ZFP28: variants seen among roughly 807,000 people sequenced by gnomAD.
ZFP28 encodes the protein ZFP28 zinc finger protein.
In ZFP28, 31 loss-of-function variants were observed where a neutral mutation model predicts 39.5. That is an observed-to-expected ratio of 0.79 (90% CI 0.59 to 1.06). The LOEUF (loss-of-function observed/expected upper bound fraction) is 1.06, where lower values mean the gene tolerates loss of function less well. Ranked by LOEUF, ZFP28 falls within the 50% of genes least tolerant of loss-of-function variation. ZFP28 has a pLI of 0.00. For synonymous variants in ZFP28, 400 were observed against 378.6 expected (o/e 1.06, Z -0.66); for missense variants, 925 against 1,048.4 (o/e 0.88, Z 1.63).
chr19:56,537,295 C>T (rs1234662745), upstream of ZFP28, among the ~76,000 whole-genome samples: 1 of 152,186 alleles, frequency 6.6e-6, no homozygotes, highest in East Asian at 1.9e-4. Flanking sequence ...GCTGTTCTAC[C>T]TGTTGACATC....
chr19:56,551,807 C>T (rs1363099453), intron 7 of ZFP28: 1 of 983,908 alleles, frequency 1.0e-6, no homozygotes, highest in Admixed American at 6.2e-5. Context: ...AAATGTCTGT[C>T]ATTTGTACCC....
At position 56,553,777 on chromosome 19, in the gene ZFP28, A is replaced by T. The variant is rs1203632475; in HGVS notation, c.992A>T (p.Asp331Val). 6.2e-7 allele frequency: 1 copy of T among 1,614,036 alleles called. No individual in the cohort carries two copies. Among genetic ancestry groups the T allele is most frequent in the Non-Finnish European group, 8.5e-7 (1 of 1,180,032 alleles). The part of the protein sequence containing the change: ...VTDRTSNTKL[D>V]CSSFRENWDS... ...GACAGAACCTCAAACACTAAACTTG[A>T]TTGTTCCAGTTTCAGAGAAAATTGG... Residue 331 changes from aspartate to valine, a missense_variant, in exon 8 of 8, where the codon GAT (aspartate) becomes GTT (valine). Asp to Val is a radical substitution (Grantham distance 152). Around this residue, in one of 2 missense-constraint regions of ZFP28, gnomAD observed 556 missense variants for 542.9 expected, o/e 1.02. Transcript: ENST00000301318.
chr19:56,547,701 G>A lies in ZFP28; in HGVS notation c.427+67G>A. The stretch of plus-strand genomic sequence containing the variant: ...CGTCCTGGACTAAGAAGCCTTTCAT[G>A]CCTTTATCACCCAGACCTGCACTGC... On this transcript the variant is annotated intron_variant, in intron 3 of 7. Transcript: ENST00000301318. The surrounding 1 kb of genome is among the most constrained non-coding windows in gnomAD (Gnocchi z 4.6). The A allele has an allele frequency of 6.4e-7, 1 of 1,569,830 alleles. No homozygotes were observed. The highest frequency in any genetic ancestry group is 2.3e-5 in the East Asian group (1 of 44,008).
intron 7 of ZFP28, chr19:56,551,324 A>C: frequency 1.0e-6 from 1 of 987,050 alleles, no homozygotes; most frequent in Non-Finnish European, 1.2e-6. Context: ...ACTGTTTGGC[A>C]AAAGAATATA....
intron 7 of ZFP28, chr19:56,551,063 A>T (rs1371760874): frequency 8.8e-7 from 1 of 1,141,652 alleles, no homozygotes; most frequent in East Asian, 5.9e-5. Flanking sequence ...GCCATCAGTG[A>T]ATTACTCTAA....
Position 56,555,503 on chromosome 19 carries a change from G to C in ZFP28, c.*111G>C. On this transcript the variant is annotated 3_prime_UTR_variant, in exon 8 of 8. Coordinates refer to ENST00000301318, the MANE Select transcript of ZFP28 (RefSeq NM_020828.2). ...GTTAGTTCTTCACATAAGTGTAAAT[G>C]TAACTTATTCACTCCTCTTGTAAAA... 7 of 1,367,592 alleles carry C rather than the reference G, an allele frequency of 5.1e-6. No individual in the cohort carries two copies. Among genetic ancestry groups the C allele is most frequent in the Middle Eastern group, 2.3e-4 (1 of 4,292 alleles). 84.7% of individuals were successfully genotyped at this position (1,367,592 alleles called of 1,614,324 possible).
rs775754596 is a variant in ZFP28, at chr19:56,550,104, G to A, written c.725G>A (p.Arg242His). The A allele has an allele frequency of 2.4e-5, 39 of 1,612,884 alleles. No homozygotes were observed. In the African/African-American group the frequency reaches 3.6e-4, roughly 15 times the overall value. Residue 242 changes from arginine to histidine, a missense_variant, in exon 6 of 8, where the codon CGC becomes CAC. This residue lies in a region of ZFP28 where 556 missense variants were observed against 542.9 expected (regional missense o/e 1.02). Transcript: ENST00000301318. Reference protein sequence around the residue: ...VTIKNLAVDFRQQLHPAQKNF... With the variant: ...VTIKNLAVDFHQQLHPAQKNF... ...ATCAAAAACCTGGCTGTTGACTTCC[G>A]CCAGCAGCTACACCCAGCTCAGAAG... is the stretch of plus-strand genomic sequence containing the variant.
chr19:56,542,227 A>C (rs1438557743), intron 2 of ZFP28, among the ~76,000 whole-genome samples: 1 of 152,062 alleles, frequency 6.6e-6, no homozygotes, highest in East Asian at 1.9e-4. Context: ...ATCACGGCTC[A>C]CTGCAGCCTT....
rs566483969 is a variant in ZFP28, at chr19:56,541,466, G to A, written c.300+1750G>A. Among the ~76,000 whole-genome samples the A allele has an allele frequency of 2.4e-4, 36 of 152,150 alleles. No individual in the cohort carries two copies. The South Asian group carries it at 5.8e-3, about 25-fold the overall frequency. Reference sequence around the variant, plus strand: ...CTCACGCTCCCCACAGCCCCTTCCCGATGAGCAGCCAGAGGGGTCTATTCA... The same window carrying A: ...CTCACGCTCCCCACAGCCCCTTCCCAATGAGCAGCCAGAGGGGTCTATTCA... On this transcript the variant is annotated intron_variant, in intron 2 of 7. Coordinates refer to ENST00000301318, the MANE Select transcript of ZFP28 (RefSeq NM_020828.2).
intron 2 of ZFP28, among the ~76,000 whole-genome samples, chr19:56,544,290 C>T (rs1410215169): frequency 6.6e-6 from 1 of 152,130 alleles, no homozygotes; most frequent in Non-Finnish European, 1.5e-5. Flanking sequence ...TTGTGTGGCC[C>T]ACCAGCTACA....
rs761178517 is a variant in ZFP28 at position 56,547,962 on chromosome 19, G to A, written c.523+60G>A. ...TGCTGGTCATAGTTCAGCTGACTCA[G>A]ACACGCAACATCTTCAGCAGACTCT... On this transcript the variant is annotated intron_variant, in intron 4 of 7. Coordinates refer to ENST00000301318, the MANE Select transcript of ZFP28 (RefSeq NM_020828.2). The surrounding 1 kb of genome is among the most constrained non-coding windows in gnomAD (Gnocchi z 4.6). 2.5e-4 allele frequency: 379 copies of A among 1,518,602 alleles called. No individual in the cohort carries two copies. The highest frequency in any genetic ancestry group is 3.1e-4 in the Non-Finnish European group (344 of 1,099,508). The allele number at this position is 1,518,602 out of a possible 1,614,324, so 94.1% of individuals were successfully genotyped here.
chr19:56,548,960 T>C lies in ZFP28; in HGVS notation c.526T>C (p.Leu176=). The change falls in exon 5 of 8, where the codon TTG becomes CTG. Residue 176 remains leucine, a splice_region_variant and synonymous_variant. Coordinates refer to ENST00000301318, the MANE Select transcript of ZFP28 (RefSeq NM_020828.2). ...RKMTRAWCPD[L]KAVWKIKELP... Reference sequence around the variant, plus strand: ...TTTACCTTCTTTACGTCTTTCAGACTTGAAGGCTGTGTGGAAGATCAAGGA... The same window carrying C: ...TTTACCTTCTTTACGTCTTTCAGACCTGAAGGCTGTGTGGAAGATCAAGGA... 6.2e-7 allele frequency: 1 copy of C among 1,612,312 alleles called. No individual in the cohort carries two copies. The highest frequency in any genetic ancestry group is 2.2e-5 in the East Asian group (1 of 44,838).
chr19:56,550,137 G>GT lies in ZFP28; in HGVS notation c.759dup (p.Lys254Ter), dbSNP rs749494154. The GT allele has an allele frequency of 7.4e-6, 12 of 1,612,996 alleles. No individual in the cohort carries two copies. Among genetic ancestry groups the GT allele is most frequent in the African/African-American group, 2.7e-5 (2 of 75,030 alleles). On this transcript the variant is annotated frameshift_variant, in exon 6 of 8. Transcript: ENST00000301318. LOFTEE classifies it high-confidence loss of function. ...CTACACCCAGCTCAGAAGAATTTCTGTAAGAATGGGATATGGGAGAACAAC... is the reference window on the plus strand; with the variant it reads ...CTACACCCAGCTCAGAAGAATTTCTGTTAAGAATGGGATATGGGAGAACAAC...
chr19:56,538,939 T>G (rs1203057940), upstream of ZFP28: 14 of 1,106,166 alleles, frequency 1.3e-5, no homozygotes, highest in Non-Finnish European at 1.5e-5. Flanking sequence ...GGCTGTTCGC[T>G]GGGCGTGGCG....
At chr19:56,540,737 T>C (rs890268929) in intron 2 of ZFP28, among the ~76,000 whole-genome samples, 3 of 152,178 alleles carry the variant, frequency 2.0e-5, no homozygotes, top group Non-Finnish European at 2.9e-5. Flanking sequence ...CCAAAGACAA[T>C]ATGTAAATGA....
chr19:56,539,290 G>C, intron 1 of ZFP28, 64 bp downstream of exon 1: 2 of 1,485,908 alleles, frequency 1.3e-6, no homozygotes, highest in South Asian at 2.5e-5. Flanking sequence ...ATGAGATCTG[G>C]GAGGGGGTTG....
At position 56,550,546 on chromosome 19, in the gene ZFP28, T is replaced by G; in HGVS notation, c.839T>G (p.Leu280Arg). ...CVAKPDLVSL[L>R]EQEKEPWMVK... ...GCTAAGCCAGATTTAGTCTCTTTAC[T>G]AGAGCAAGAGAAGGAGCCCTGGATG... is the stretch of plus-strand genomic sequence containing the variant. The change falls in exon 7 of 8, where the codon CTA (leucine) becomes CGA (arginine). Residue 280 changes from leucine (L) to arginine (R), a missense_variant. Leu to Arg is a moderately radical substitution (Grantham distance 102). This residue lies in a region of ZFP28 where 556 missense variants were observed against 542.9 expected (regional missense o/e 1.02). Coordinates refer to ENST00000301318, the MANE Select transcript of ZFP28 (RefSeq NM_020828.2). The G allele has an allele frequency of 6.2e-7, 1 of 1,614,124 alleles. No individual in the cohort carries two copies. The highest frequency in any genetic ancestry group is 8.5e-7 in the Non-Finnish European group (1 of 1,180,044).
intron 4 of ZFP28, among the ~76,000 whole-genome samples, chr19:56,548,650 CTT>C (rs1483849488): frequency 2.6e-5 from 4 of 152,130 alleles, no homozygotes; most frequent in African/African-American, 4.8e-5. Context: ...TCCCTTATCT[CTT>C]GATTTTTAAT....
chr19:56,538,911 A>T (rs568602029), upstream of ZFP28: 4 of 929,774 alleles, frequency 4.3e-6, no homozygotes, highest in East Asian at 1.5e-4. Context: ...ATGCCGGGCC[A>T]TGGGGGAGCG....
Sources: gnomAD v4.1 joint callset for allele counts (sites outside exome capture counted in the v4.1 genomes callset) on GRCh38, gnomAD v4.1.1 for gene constraint, gnomAD v4.1.1 regional missense constraint, Gnocchi (gnomAD v3.1) non-coding constraint, MANE v1.5 for transcripts, NCBI Gene and HGNC (gene_info 2026-07-23, HGNC 2026-07-21) for gene names.